KIAA0513: variants seen among roughly 807,000 people sequenced by gnomAD.
KIAA0513 encodes the protein uncharacterized protein KIAA0513.
Under a neutral mutation model 56.5 loss-of-function variants are expected in KIAA0513, and 39 were observed. That is an observed-to-expected ratio of 0.69 (90% CI 0.53 to 0.90). The LOEUF (loss-of-function observed/expected upper bound fraction) is 0.90. Among genes scored for constraint, KIAA0513 ranks in the 40% least tolerant of loss-of-function variants. KIAA0513 has a pLI of 0.00. For missense variants in KIAA0513, 591 were observed against 535.2 expected (o/e 1.10, Z -1.03); for synonymous variants, 268 against 215.6 (o/e 1.24, Z -2.13).
intron 1 of KIAA0513, among the ~76,000 whole-genome samples, chr16:85,062,621 T>C (rs1391688205): frequency 6.6e-6 from 1 of 152,022 alleles, no homozygotes; most frequent in African/African-American, 2.4e-5. Context: ...CACAGATGGG[T>C]TTTTTGACTC....
At chr16:85,056,072 C>G (rs113773290) in intron 1 of KIAA0513, among the ~76,000 whole-genome samples, 1 of 152,368 alleles carries the variant, frequency 6.6e-6, no homozygotes, top group Non-Finnish European at 1.5e-5. Context: ...AGCCCAGACC[C>G]CCCTGAAAGC....
intron 1 of KIAA0513, among the ~76,000 whole-genome samples, chr16:85,032,505 G>C (rs1204938969): frequency 2.0e-5 from 3 of 151,866 alleles, no homozygotes; most frequent in Non-Finnish European, 4.4e-5. Flanking sequence ...GCTAATTTTT[G>C]TATTTTTGGT....
At chr16:85,075,517 G>A (rs73254559) in intron 4 of KIAA0513, among the ~76,000 whole-genome samples, 8,784 of 152,162 alleles carry the variant, frequency 0.058, 417 homozygotes, top group East Asian at 0.23. Context: ...CCTGAGCCAC[G>A]GGTTTTCACT....
intron 1 of KIAA0513, among the ~76,000 whole-genome samples, chr16:85,031,450 C>T (rs1223686443): frequency 1.3e-5 from 2 of 152,164 alleles, no homozygotes; most frequent in African/African-American, 2.4e-5. Flanking sequence ...TACCACTGCA[C>T]CCCAGACTTC....
rs1448870175 is a variant in KIAA0513 at position 85,089,858 on chromosome 16, T to G, written c.*1533T>G. On this transcript the variant is annotated 3_prime_UTR_variant, in exon 13 of 13. Transcript: ENST00000683363. This position sits in a 1 kb window ranked among gnomAD's most constrained non-coding sequence, Gnocchi z 4.2. ...CAGTCTGTGCTGCAGATTGGTTGGA[T>G]CACAGAATGTGTGTCTGGGGCATTA... The G allele has an allele frequency of 1.3e-5, 2 of 152,142 alleles. No individual in the cohort carries two copies. The highest frequency in any genetic ancestry group is 4.8e-5 in the African/African-American group (2 of 41,430). The allele number at this position is 152,142 out of a possible 1,614,324, so 9.4% of individuals were successfully genotyped here.
chr16:85,068,905 C>A (rs1485272125), intron 2 of KIAA0513, among the ~76,000 whole-genome samples: 1 of 152,162 alleles, frequency 6.6e-6, no homozygotes, highest in Non-Finnish European at 1.5e-5. Flanking sequence ...TGTAGGCTAG[C>A]CACTCCCTAG....
In KIAA0513 at chr16:85,070,187, A is replaced by G. The variant is rs76682278; in HGVS notation, c.330-1596A>G. ...CCCTGTCTCAAAAAAAAAAAAAGAA[A>G]AAAGAAAGAAATTTTGCGTTTTACT... On this transcript the variant is annotated intron_variant, in intron 2 of 12. Coordinates refer to ENST00000683363, the MANE Select transcript of KIAA0513 (RefSeq NM_001388359.1). 5.3e-3 allele frequency among the ~76,000 whole-genome samples: 785 copies of G among 147,544 alleles called. 23 individuals carry two copies. The highest frequency in any genetic ancestry group is 0.016 in the African/African-American group (626 of 39,870).
Position 85,079,280 on chromosome 16 carries a change from C to T in KIAA0513, c.902+277C>T, listed in dbSNP as rs186285724. On this transcript the variant is annotated intron_variant, in intron 8 of 12. Transcript: ENST00000683363. ...GAAACACAAGAGTTACTCTGTGACC[C>T]AGCAGCTCCACTCCTAGGAGTCGCC... The T allele has an allele frequency of 2.0e-4, 99 of 502,956 alleles. No homozygotes were observed. The East Asian group carries it at 3.4e-3, about 17-fold the overall frequency. The allele number at this position is 502,956 out of a possible 1,614,324, so 31.2% of individuals were successfully genotyped here. A position where few individuals can be genotyped will look rare whatever the true frequency, so the allele number is the denominator to read the frequency against.
At position 85,088,358 on chromosome 16, in the gene KIAA0513, G is replaced by A. The variant is rs372160511; in HGVS notation, c.*33G>A. On this transcript the variant is annotated 3_prime_UTR_variant, in exon 13 of 13. Transcript: ENST00000683363. ...AGGTCGCACTCCGCAGGAGGACTGA[G>A]GCCATGTGCCATTCTCCCGGGCCCA... is the stretch of plus-strand genomic sequence containing the variant. 5.0e-6 allele frequency: 8 copies of A among 1,595,616 alleles called. No homozygotes were observed. Among genetic ancestry groups the A allele is most frequent in the Middle Eastern group, 1.7e-4 (1 of 5,910 alleles).
intron 1 of KIAA0513, among the ~76,000 whole-genome samples, chr16:85,053,823 C>G (rs2073289160): frequency 1.3e-5 from 2 of 152,070 alleles, no homozygotes; most frequent in African/African-American, 4.8e-5. Flanking sequence ...GAAACCCCGT[C>G]TCTACTAAAA....
chr16:85,088,083 G>T (rs935347345), intron 12 of KIAA0513, among the ~76,000 whole-genome samples, 193 bp from the exon 13 acceptor site: 1 of 152,264 alleles, frequency 6.6e-6, no homozygotes, highest in Non-Finnish European at 1.5e-5. Flanking sequence ...GGCTGTGTGT[G>T]CAATGCGCCC....
intron 1 of KIAA0513, among the ~76,000 whole-genome samples, chr16:85,031,366 C>A (rs1057102369): frequency 6.6e-6 from 1 of 152,118 alleles, no homozygotes; most frequent in African/African-American, 2.4e-5. Context: ...AACCTGTAAT[C>A]CCAGCTACTA....
In KIAA0513 at chr16:85,076,725, C is replaced by G. The variant is rs955446294; in HGVS notation, c.575-700C>G. ...TGTCCCAGCCTCACCAGTGGGCAGG[C>G]CCTTCCTGCCAGGCCACACGTCGGC... On this transcript the variant is annotated intron_variant, in intron 5 of 12. Coordinates refer to ENST00000683363, the MANE Select transcript of KIAA0513 (RefSeq NM_001388359.1). The surrounding 1 kb of genome is among the most constrained non-coding windows in gnomAD (Gnocchi z 4.7). Among the ~76,000 whole-genome samples the G allele has an allele frequency of 4.5e-4, 68 of 152,308 alleles. No individual in the cohort carries two copies. The highest frequency in any genetic ancestry group is 1.6e-3 in the African/African-American group (65 of 41,560).
chr16:85,059,996 T>C (rs1276813567), intron 1 of KIAA0513, among the ~76,000 whole-genome samples: 1 of 152,270 alleles, frequency 6.6e-6, no homozygotes, highest in Non-Finnish European at 1.5e-5. Flanking sequence ...AGTCTCATTC[T>C]GTTGCCCAGG....
intron 6 of KIAA0513, 120 bp downstream of exon 6, chr16:85,077,752 G>A (rs1411912691): frequency 1.9e-5 from 14 of 732,156 alleles, no homozygotes; most frequent in Admixed American, 2.9e-5. Flanking sequence ...GGAACACTGC[G>A]CTGCCCAGCC....
At chr16:85,067,604 C>G (rs1290809586) in intron 2 of KIAA0513, among the ~76,000 whole-genome samples, 2 of 152,154 alleles carry the variant, frequency 1.3e-5, no homozygotes, top group African/African-American at 4.8e-5. Context: ...AAAAGAATAC[C>G]TGAGCCTGGA....
rs1327350055 is a variant in KIAA0513, at chr16:85,093,731, G to A, written c.*5406G>A. ...GGAGGAGTCCCTGCCATCCCGGTGA[G>A]CCTGGGGCTGTTGCTTAGGGTCTTC... On this transcript the variant is annotated 3_prime_UTR_variant, in exon 13 of 13. Transcript: ENST00000683363. 6.6e-6 allele frequency: 1 copy of A among 152,310 alleles called. No homozygotes were observed. The highest frequency in any genetic ancestry group is 1.5e-5 in the Non-Finnish European group (1 of 68,082). The allele number at this position is 152,310 out of a possible 1,614,324, so 9.4% of individuals were successfully genotyped here.
chr16:85,065,083 C>T (rs956734889), intron 1 of KIAA0513, among the ~76,000 whole-genome samples: 1 of 152,224 alleles, frequency 6.6e-6, no homozygotes, highest in African/African-American at 2.4e-5. Context: ...GTAGTACAGA[C>T]AGCACTAGCT....
chr16:85,081,089 C>T lies in KIAA0513; in HGVS notation c.903-226C>T, dbSNP rs959147320. 5.3e-5 allele frequency among the ~76,000 whole-genome samples: 8 copies of T among 152,204 alleles called. No individual in the cohort carries two copies. Among genetic ancestry groups the T allele is most frequent in the Admixed American group, 1.3e-4 (2 of 15,288 alleles). On this transcript the variant is annotated intron_variant, in intron 8 of 12. Coordinates refer to ENST00000683363, the MANE Select transcript of KIAA0513 (RefSeq NM_001388359.1). The surrounding 1 kb of genome is among the most constrained non-coding windows in gnomAD (Gnocchi z 4.4). Reference sequence around the variant, plus strand: ...TTATCATAGCTTTCCCTCCCACTTGCGCCATCTCTCCTAAGAGATACGCAG... The same window carrying T: ...TTATCATAGCTTTCCCTCCCACTTGTGCCATCTCTCCTAAGAGATACGCAG...
Sources: allele counts gnomAD v4.1 joint callset (sites outside exome capture counted in the v4.1 genomes callset), GRCh38; gene constraint gnomAD v4.1.1; non-coding constraint Gnocchi (gnomAD v3.1); transcripts MANE v1.5; gene names NCBI Gene and HGNC (gene_info 2026-07-23, HGNC 2026-07-21).